Variants in CSPP1 observed in about 807,000 individuals in gnomAD.
CSPP1 encodes centrosome and spindle pole-associated protein 1.
In CSPP1, 126 loss-of-function variants were observed where a neutral mutation model predicts 164.4. That is an observed-to-expected ratio of 0.77 (90% confidence interval 0.66 to 0.89). CSPP1 has a LOEUF of 0.89. CSPP1 is among the 40% of genes least tolerant of loss of function. The pLI is 0.00. For synonymous variants in CSPP1, 472 were observed against 476.7 expected, an observed-to-expected ratio of 0.99 and a Z score of 0.13; for missense variants, 1,395 against 1,449.8, an observed-to-expected ratio of 0.96 and a Z score of 0.61.
intron 24 of CSPP1, among the ~76,000 whole-genome samples, chr8:67,170,021 C>T (rs951039655): frequency 7.2e-5 from 11 of 151,916 alleles, no homozygotes; most frequent in African/African-American, 2.7e-4. Context: ...GGATTATAGG[C>T]GTGAGCCACA....
chr8:67,071,033 G>A (rs1282329928), intron 1 of CSPP1, among the ~76,000 whole-genome samples: 1 of 152,134 alleles, frequency 6.6e-6, no homozygotes, highest in African/African-American at 2.4e-5. Flanking sequence ...GATTACAAGT[G>A]TGAGCCACCA....
intron 24 of CSPP1, among the ~76,000 whole-genome samples, chr8:67,167,683 C>T (rs1428539536): frequency 6.6e-6 from 1 of 151,258 alleles, no homozygotes; most frequent in Non-Finnish European, 1.5e-5. Context: ...CAGAGGCGCT[C>T]CTCACATCCC....
chr8:67,110,853 CTGTTGT>C (rs57306340), intron 9 of CSPP1, among the ~76,000 whole-genome samples: 55 of 151,736 alleles, frequency 3.6e-4, no homozygotes, highest in Middle Eastern at 3.4e-3. Flanking sequence ...TCTAATGTTT[CTGTTGT>C]TGTTGTTGTT....
chr8:67,109,214 T>C (rs1011348375), intron 9 of CSPP1, among the ~76,000 whole-genome samples: 12 of 152,300 alleles, frequency 7.9e-5, no homozygotes, highest in Non-Finnish European at 1.8e-4. Context: ...GCAGAATTCA[T>C]TTCTTTGTGG....
chr8:67,140,437 T>C (rs1345431991), intron 17 of CSPP1, among the ~76,000 whole-genome samples: 1 of 152,204 alleles, frequency 6.6e-6, no homozygotes, highest in East Asian at 1.9e-4. Context: ...GTTCCTTTCC[T>C]ATCTTCACCT....
intron 3 of CSPP1, among the ~76,000 whole-genome samples, chr8:67,079,469 T>G (rs980943725): frequency 6.6e-6 from 1 of 152,164 alleles, no homozygotes; most frequent in African/African-American, 2.4e-5. Context: ...TCAAGTAAGG[T>G]CACTCTGCTG....
intron 28 of CSPP1, among the ~76,000 whole-genome samples, chr8:67,182,434 T>C (rs1406250013): frequency 9.2e-5 from 14 of 152,234 alleles, no homozygotes; most frequent in Non-Finnish European, 1.8e-4. Context: ...TTGTGAATAA[T>C]GCTCCTATGA....
In CSPP1 at chr8:67,193,598, T is replaced by TA. The variant is rs748602759; in HGVS notation, c.3466dup (p.Thr1156AsnfsTer3). 1.8e-5 allele frequency: 29 copies of TA among 1,613,006 alleles called. No individual in the cohort carries two copies. In the African/African-American group the frequency reaches 3.6e-4, roughly 20 times the overall value. On this transcript the variant is annotated frameshift_variant, in exon 30 of 31. Coordinates refer to ENST00000678616, the MANE Select transcript of CSPP1 (RefSeq NM_001382391.1). LOFTEE classifies it high-confidence loss of function. ...ATGAATTTCACAATAAACCTATTAA[T>TA]ACAGGTAAATGACCAAGTGTAATGG...
At chr8:67,106,861 A>G (rs1435337100) in intron 9 of CSPP1, among the ~76,000 whole-genome samples, 2 of 152,138 alleles carry the variant, frequency 1.3e-5, no homozygotes, top group Non-Finnish European at 2.9e-5. Context: ...TTATTGCATT[A>G]TATTGTCAGG....
chr8:67,161,842 C>T lies in CSPP1; in HGVS notation c.2570C>T (p.Ala857Val), dbSNP rs1828422204. 3 of 1,613,352 alleles carry T rather than the reference C, an allele frequency of 1.9e-6. No individual in the cohort carries two copies. Among genetic ancestry groups the T allele is most frequent in the Non-Finnish European group, 1.7e-6 (2 of 1,179,734 alleles). ...HMRQPSPIVP[A>V]LQNKIASKLQ... ...AGACAGCCTTCTCCTATAGTTCCTG[C>T]TCTTCAGAACAAAATTGCAAGCAAA... The change falls in exon 22 of 31, where the codon GCT (alanine) becomes GTT (valine). Residue 857 changes from alanine to valine, a missense_variant. By Grantham distance (64) the Ala-to-Val change is moderately conservative. Coordinates refer to ENST00000678616, the MANE Select transcript of CSPP1 (RefSeq NM_001382391.1).
intron 8 of CSPP1, among the ~76,000 whole-genome samples, chr8:67,104,966 A>ATATATAT (rs1247108884): frequency 1.8e-4 from 11 of 60,746 alleles, no homozygotes; most frequent in African/African-American, 6.9e-4. Context: ...ATATATATAT[A>ATATATAT]TTTTTTTTTT....
chr8:67,154,316 G>C (rs919760803), intron 19 of CSPP1, among the ~76,000 whole-genome samples, 180 bp downstream of exon 19: 2 of 152,048 alleles, frequency 1.3e-5, no homozygotes, highest in African/African-American at 4.8e-5. Context: ...GAAATAAACA[G>C]ATGTATTAAG....
chr8:67,172,719 A>C, intron 25 of CSPP1, 164 bp downstream of exon 25: 1 of 586,084 alleles, frequency 1.7e-6, no homozygotes, highest in Non-Finnish European at 2.9e-6. Context: ...TCTTCAGTTA[A>C]CCAGTCTGGT....
chr8:67,151,473 A>G (rs1825674142), intron 18 of CSPP1, among the ~76,000 whole-genome samples: 1 of 152,044 alleles, frequency 6.6e-6, no homozygotes, highest in Non-Finnish European at 1.5e-5. Flanking sequence ...CATACCTGGT[A>G]TTGTTTGTAG....
At chr8:67,095,234 C>A in intron 6 of CSPP1, 59 bp from the exon 7 acceptor site, 1 of 1,095,850 alleles carries the variant, frequency 9.1e-7, no homozygotes, top group Non-Finnish European at 1.3e-6. Flanking sequence ...GGTTTAATTA[C>A]CTTATAAGAG....
chr8:67,088,429 A>G (rs1201172821), intron 4 of CSPP1, among the ~76,000 whole-genome samples: 1 of 151,638 alleles, frequency 6.6e-6, no homozygotes, highest in Non-Finnish European at 1.5e-5. Context: ...CTGGAACTAC[A>G]GGCGTCCACC....
chr8:67,067,853 CTTT>C (rs1238441914), intron 1 of CSPP1, among the ~76,000 whole-genome samples: 9 of 137,054 alleles, frequency 6.6e-5, no homozygotes, highest in Non-Finnish European at 8.0e-5. Flanking sequence ...CTGTTGATTT[CTTT>C]TTTTTTTTTT....
At position 67,195,437 on chromosome 8, in the gene CSPP1, C is replaced by A; in HGVS notation, c.3525C>A (p.Asp1175Glu). 1 of 1,614,106 alleles carries A rather than the reference C, an allele frequency of 6.2e-7. No homozygotes were observed. The highest frequency in any genetic ancestry group is 1.7e-5 in the Admixed American group (1 of 60,026). ...PDDIMKHIGD[D>E]GSNSVATEPW... Reference sequence around the variant, plus strand: ...ACATCATGAAACACATAGGGGATGACGGATCAAACTCTGTAGCAACTGAGC... The same window carrying A: ...ACATCATGAAACACATAGGGGATGAAGGATCAAACTCTGTAGCAACTGAGC... The change falls in exon 31 of 31, where the codon GAC (aspartate) becomes GAA (glutamate). Residue 1175 changes from aspartate (D) to glutamate (E), a missense_variant. Physicochemically the swap from Asp to Glu is conservative, Grantham distance 45 (BLOSUM62 2). Coordinates refer to ENST00000678616, the MANE Select transcript of CSPP1 (RefSeq NM_001382391.1).
intron 25 of CSPP1, 149 bp from the exon 26 acceptor site, chr8:67,175,147 A>T: frequency 1.5e-6 from 1 of 648,144 alleles, no homozygotes; most frequent in Non-Finnish European, 2.8e-6. Context: ...TGGCTATTTT[A>T]CTGTCCTTTG....
Sources: gnomAD v4.1 joint callset for allele counts (sites outside exome capture counted in the v4.1 genomes callset) on GRCh38, gnomAD v4.1.1 for gene constraint, MANE v1.5 for transcripts, NCBI Gene and HGNC (gene_info 2026-07-23, HGNC 2026-07-21) for gene names.